SCHIP1: variants seen among roughly 807,000 people sequenced by gnomAD.
SCHIP1 encodes schwannomin interacting protein 1, also known as schwannomin-interacting protein 1.
Under a neutral mutation model 29.7 loss-of-function variants are expected in SCHIP1, and 8 were observed. The observed-to-expected ratio is 0.27, with a 90% CI of 0.16 to 0.49. The LOEUF (loss-of-function observed/expected upper bound fraction) is 0.49, where lower values mean the gene tolerates loss of function less well. SCHIP1 is among the 20% of genes least tolerant of loss of function. SCHIP1 has a pLI of 0.99. For missense variants in SCHIP1, 193 were observed against 294.6 expected, an observed-to-expected ratio of 0.66 and a Z score of 2.52; for synonymous variants, 76 against 94.9, an observed-to-expected ratio of 0.80 and a Z score of 1.16.
the SCHIP1 span, among the ~76,000 whole-genome samples, chr3:159,513,840 T>A: frequency 6.6e-6 from 1 of 152,180 alleles, no homozygotes; most frequent in Non-Finnish European, 1.5e-5. Context: ...TCAGCCTCCC[T>A]CTTTTCACAT....
chr3:159,813,696 AAG>A, the SCHIP1 span, among the ~76,000 whole-genome samples: 1 of 150,214 alleles, frequency 6.7e-6, no homozygotes, highest in Non-Finnish European at 1.5e-5. Context: ...TCAAAAAAAA[AAG>A]AAGAAGAAGA....
the SCHIP1 span, among the ~76,000 whole-genome samples, chr3:159,704,379 G>T: frequency 7.3e-6 from 1 of 137,360 alleles, no homozygotes; most frequent in Non-Finnish European, 1.5e-5. Context: ...AGGTTGTAGT[G>T]AGCCAAGATG....
At chr3:159,354,361 T>C in the SCHIP1 span, among the ~76,000 whole-genome samples, 1 of 152,194 alleles carries the variant, frequency 6.6e-6, no homozygotes, top group African/African-American at 2.4e-5. Context: ...TGATACTATA[T>C]ATCTAGAAGC....
At chr3:159,366,884 T>G in the SCHIP1 span, among the ~76,000 whole-genome samples, 29 of 152,172 alleles carry the variant, frequency 1.9e-4, no homozygotes, top group African/African-American at 7.0e-4. Flanking sequence ...CAAATGACAT[T>G]TAGAAATACC....
chr3:159,314,562 T>C, the SCHIP1 span, among the ~76,000 whole-genome samples: 3 of 152,212 alleles, frequency 2.0e-5, no homozygotes, highest in Admixed American at 1.3e-4. Flanking sequence ...ATAGTTCACC[T>C]TCTACCTCTG....
At chr3:159,704,417 T>TAAA in the SCHIP1 span, among the ~76,000 whole-genome samples, 660 of 92,596 alleles carry the variant, frequency 7.1e-3, 14 homozygotes, top group African/African-American at 0.02. Context: ...CAATTTTTTC[T>TAAA]AAAAAAAAAA....
chr3:159,459,035 G>T, the SCHIP1 span, among the ~76,000 whole-genome samples: 1 of 152,058 alleles, frequency 6.6e-6, no homozygotes, highest in Non-Finnish European at 1.5e-5. Flanking sequence ...CTAAACTTTG[G>T]CATCAAAAAT....
chr3:159,470,655 T>C, the SCHIP1 span, among the ~76,000 whole-genome samples: 2 of 152,058 alleles, frequency 1.3e-5, no homozygotes, highest in Admixed American at 6.6e-5. Flanking sequence ...TACCAAACCA[T>C]GTCCTTTCCT....
At chr3:159,678,782 C>T in the SCHIP1 span, among the ~76,000 whole-genome samples, 1 of 152,310 alleles carries the variant, frequency 6.6e-6, no homozygotes, top group African/African-American at 2.4e-5. Context: ...AGAAAACTTA[C>T]AATCGTGGTG....
At chr3:159,679,941 G>A in the SCHIP1 span, among the ~76,000 whole-genome samples, 1 of 151,880 alleles carries the variant, frequency 6.6e-6, no homozygotes, top group Non-Finnish European at 1.5e-5. Flanking sequence ...AGACATCCAA[G>A]AGCACCCTCC....
At chr3:159,287,849 T>C in the SCHIP1 span, among the ~76,000 whole-genome samples, 1 of 152,220 alleles carries the variant, frequency 6.6e-6, no homozygotes, top group East Asian at 1.9e-4. Flanking sequence ...CCTGTACTAT[T>C]AATAAACAAA....
chr3:159,394,865 G>C, the SCHIP1 span, among the ~76,000 whole-genome samples: 1 of 151,972 alleles, frequency 6.6e-6, no homozygotes, highest in Non-Finnish European at 1.5e-5. Flanking sequence ...TTTTTCTATT[G>C]ATTGGAATAG....
At chr3:159,351,869 C>A in the SCHIP1 span, among the ~76,000 whole-genome samples, 5 of 152,124 alleles carry the variant, frequency 3.3e-5, no homozygotes, top group African/African-American at 9.7e-5. Context: ...CACAGCTTGT[C>A]TAGGGCAGAG....
At chr3:159,594,554 A>G in the SCHIP1 span, among the ~76,000 whole-genome samples, 1 of 152,190 alleles carries the variant, frequency 6.6e-6, no homozygotes, top group Admixed American at 6.5e-5. Context: ...GCCATCAGTT[A>G]TCCAGGGTTC....
At chr3:159,280,244 A>G in the SCHIP1 span, among the ~76,000 whole-genome samples, 2 of 152,178 alleles carry the variant, frequency 1.3e-5, no homozygotes, top group African/African-American at 4.8e-5. Context: ...TGCCTAGACT[A>G]TGCTTTATTG....
the SCHIP1 span, among the ~76,000 whole-genome samples, chr3:159,606,809 C>G: frequency 1.3e-5 from 2 of 152,170 alleles, no homozygotes; most frequent in Non-Finnish European, 2.9e-5. Flanking sequence ...CTTCTCCTGT[C>G]CTCCAGATTC....
the SCHIP1 span, among the ~76,000 whole-genome samples, chr3:159,726,775 A>G: frequency 6.6e-6 from 1 of 152,208 alleles, no homozygotes; most frequent in East Asian, 1.9e-4. Context: ...AGCATTTCTC[A>G]TAAAAGCCTC....
the SCHIP1 span, among the ~76,000 whole-genome samples, chr3:159,807,004 A>G: frequency 6.6e-6 from 1 of 152,238 alleles, no homozygotes; most frequent in Non-Finnish European, 1.5e-5. Flanking sequence ...GCTATGTGTT[A>G]TCAAGATTGT....
the SCHIP1 span, among the ~76,000 whole-genome samples, chr3:159,757,792 G>A: frequency 1.3e-5 from 2 of 152,144 alleles, no homozygotes; most frequent in African/African-American, 2.4e-5. Context: ...GTTCTCCTCT[G>A]TCCCACCAAG....
Sources: allele counts gnomAD v4.1 joint callset (sites outside exome capture counted in the v4.1 genomes callset), GRCh38; gene constraint gnomAD v4.1.1; transcripts MANE v1.5; gene names NCBI Gene and HGNC (gene_info 2026-07-23, HGNC 2026-07-21).